DOCK4: variants seen among roughly 807,000 people sequenced by gnomAD.
The protein encoded by DOCK4 is dedicator of cytokinesis 4.
A neutral mutation model predicts 268.1 loss-of-function variants in DOCK4; 97 were observed. That is an observed-to-expected ratio of 0.36 (90% CI 0.31 to 0.43). DOCK4 has a LOEUF of 0.43. Ranked by LOEUF, DOCK4 falls within the 20% of genes least tolerant of loss-of-function variation. The probability of loss-of-function intolerance (pLI) is 1.00; values close to 1 mark genes in which losing one functional copy is unlikely to be tolerated. For missense variants in DOCK4, 2,145 were observed against 2,455.7 expected (o/e 0.87, Z 2.67); for synonymous variants, 954 against 887.2 (o/e 1.08, Z -1.34).
At chr7:112,077,803 T>C (rs925753234) in intron 1 of DOCK4, among the ~76,000 whole-genome samples, 6 of 152,168 alleles carry the variant, frequency 3.9e-5, no homozygotes, top group African/African-American at 1.4e-4. Flanking sequence ...CAAATTTTTA[T>C]AAAATGTTAT....
intron 24 of DOCK4, among the ~76,000 whole-genome samples, chr7:111,846,184 A>G (rs1804083881): frequency 6.6e-6 from 1 of 152,156 alleles, no homozygotes; most frequent in Non-Finnish European, 1.5e-5. Context: ...TAAGTGACAA[A>G]TTGGGGAAAC....
In DOCK4 at chr7:112,100,973, T is replaced by C. The variant is rs144164309; in HGVS notation, c.38-96842A>G. The stretch of plus-strand genomic sequence containing the variant: ...TTGAATTCAGACTTAAATAACCAAG[T>C]GAACAGCCAACACTGAGAAGTTTAT... On this transcript the variant is annotated intron_variant, in intron 1 of 52. Transcript: ENST00000428084. Among the ~76,000 whole-genome samples the C allele has an allele frequency of 3.5e-3, 528 of 152,190 alleles. 3 individuals carry two copies. Among genetic ancestry groups the C allele is most frequent in the African/African-American group, 0.012 (483 of 41,508 alleles).
intron 1 of DOCK4, among the ~76,000 whole-genome samples, chr7:112,100,045 A>G (rs1022967965): frequency 1.1e-4 from 16 of 152,216 alleles, no homozygotes; most frequent in African/African-American, 3.9e-4. Flanking sequence ...AGACCCCATG[A>G]AATATTTTAA....
At chr7:112,058,524 A>G (rs1187833756) in intron 1 of DOCK4, among the ~76,000 whole-genome samples, 1 of 152,188 alleles carries the variant, frequency 6.6e-6, no homozygotes, top group Non-Finnish European at 1.5e-5. Flanking sequence ...TGGGGCTTCC[A>G]TAGACTAAAT....
At chr7:111,830,746 T>C (rs761662851) in intron 26 of DOCK4, among the ~76,000 whole-genome samples, 9 of 152,046 alleles carry the variant, frequency 5.9e-5, no homozygotes, top group Non-Finnish European at 1.0e-4. Context: ...ACATCCAAAC[T>C]TATCCCTCTT....
chr7:111,849,175 GA>G (rs1804345388), intron 23 of DOCK4, among the ~76,000 whole-genome samples: 1 of 151,784 alleles, frequency 6.6e-6, no homozygotes, highest in African/African-American at 2.4e-5. Context: ...TCTTTGTTCA[GA>G]ATGCCAAGGA....
At chr7:112,000,364 T>C in intron 3 of DOCK4, 130 bp downstream of exon 3, 1 of 574,606 alleles carries the variant, frequency 1.7e-6, no homozygotes, top group Non-Finnish European at 3.0e-6. Context: ...TCCAAAATTA[T>C]AAAAATTTGC....
chr7:111,793,112 ACTCT>A (rs1799664221), intron 30 of DOCK4, among the ~76,000 whole-genome samples: 1 of 152,138 alleles, frequency 6.6e-6, no homozygotes, highest in African/African-American at 2.4e-5. Flanking sequence ...TCAAGTATTC[ACTCT>A]CTATTATATC....
chr7:112,175,697 A>T (rs1484331631), intron 1 of DOCK4, among the ~76,000 whole-genome samples: 1 of 152,208 alleles, frequency 6.6e-6, no homozygotes, highest in African/African-American at 2.4e-5. Context: ...AAGAATAAAA[A>T]TGTTTTTAAA....
At chr7:111,730,154 C>A (rs1222432538) in intron 52 of DOCK4, among the ~76,000 whole-genome samples, 1 of 152,150 alleles carries the variant, frequency 6.6e-6, no homozygotes, top group Non-Finnish European at 1.5e-5. Context: ...TTGTTACTTT[C>A]CCAACTAGTA....
rs1554399511 is a variant in DOCK4, at chr7:111,973,186, T to TATATATATATATATAA, written c.701+3945_701+3946insTTATATATATATATAT. 5.5e-4 allele frequency among the ~76,000 whole-genome samples: 75 copies of TATATATATATATATAA among 137,550 alleles called. 2 individuals are homozygous for TATATATATATATATAA. Among genetic ancestry groups the TATATATATATATATAA allele is most frequent in the African/African-American group, 1.8e-3 (68 of 38,620 alleles). The allele number at this position is 137,550 out of a possible 152,430, so 90.2% of individuals were successfully genotyped here. ...ATATATATATATATATATATATATA[T>TATATATATATATATAA]AATATTTTCTTTATCCACTCATTGA... On this transcript the variant is annotated intron_variant, in intron 8 of 52. Transcript: ENST00000428084.
At chr7:111,898,765 C>T (rs1790880603) in intron 15 of DOCK4, among the ~76,000 whole-genome samples, 1 of 152,078 alleles carries the variant, frequency 6.6e-6, no homozygotes, top group African/African-American at 2.4e-5. Context: ...TTTGCTGTTT[C>T]TTCTGACTTT....
chr7:112,132,346 A>G (rs1813884598), intron 1 of DOCK4, among the ~76,000 whole-genome samples: 3 of 152,202 alleles, frequency 2.0e-5, no homozygotes, highest in Admixed American at 1.3e-4. Context: ...TGCCATCTCA[A>G]AAGGATGTCT....
chr7:111,805,194 G>C (rs1225084672), intron 30 of DOCK4, among the ~76,000 whole-genome samples: 4 of 152,092 alleles, frequency 2.6e-5, no homozygotes, highest in African/African-American at 9.7e-5. Flanking sequence ...TAGAACTAGG[G>C]CTGAAGCATG....
At chr7:112,002,591 C>T (rs61159171) in intron 2 of DOCK4, among the ~76,000 whole-genome samples, 59,453 of 151,918 alleles carry the variant, frequency 0.39, 11,872 homozygotes, top group African/African-American at 0.43. Flanking sequence ...AACTAAATGT[C>T]GTAGTTCTGT....
intron 6 of DOCK4, among the ~76,000 whole-genome samples, chr7:111,987,867 G>C (rs1385103470): frequency 6.6e-6 from 1 of 152,094 alleles, no homozygotes; most frequent in Non-Finnish European, 1.5e-5. Flanking sequence ...TAAATGAATT[G>C]GGCTCTTCTA....
intron 1 of DOCK4, among the ~76,000 whole-genome samples, chr7:112,073,626 T>C (rs1027331700): frequency 8.5e-5 from 13 of 152,256 alleles, no homozygotes; most frequent in Middle Eastern, 3.4e-3. Context: ...GCCTGGAAGA[T>C]ATTATGTTAA....
intron 8 of DOCK4, among the ~76,000 whole-genome samples, chr7:111,948,770 T>G (rs1331835457): frequency 6.6e-6 from 1 of 151,894 alleles, no homozygotes; most frequent in Non-Finnish European, 1.5e-5. Flanking sequence ...AATTTTTGCA[T>G]TTTTAGTAGA....
intron 28 of DOCK4, among the ~76,000 whole-genome samples, chr7:111,809,964 T>C (rs886453205): frequency 7.3e-6 from 1 of 137,632 alleles, no homozygotes; most frequent in African/African-American, 2.9e-5. Context: ...GAGATCTGAA[T>C]AAAGTTCCCT....
Sources: gnomAD v4.1 joint callset for allele counts (sites outside exome capture counted in the v4.1 genomes callset) on GRCh38, gnomAD v4.1.1 for gene constraint, MANE v1.5 for transcripts, NCBI Gene and HGNC (gene_info 2026-07-23, HGNC 2026-07-21) for gene names.